Variants in KCNIP4 observed in about 807,000 individuals in gnomAD.
KCNIP4 encodes the protein potassium voltage-gated channel interacting protein 4, also known as Kv channel-interacting protein 4.
A neutral mutation model predicts 34.0 loss-of-function variants in KCNIP4; 12 were observed. The observed-to-expected ratio is 0.35, with a 90% confidence interval of 0.23 to 0.57. KCNIP4 has a LOEUF of 0.57. Among genes scored for constraint, KCNIP4 ranks in the 20% least tolerant of loss-of-function variants. KCNIP4 has a pLI of 0.83. For missense variants in KCNIP4, 238 were observed against 311.7 expected, an observed-to-expected ratio of 0.76 and a Z score of 1.78; for synonymous variants, 124 against 102.2, an observed-to-expected ratio of 1.21 and a Z score of -1.29.
At chr4:21,738,092 AAAATAAAT>A (rs11444057) in intron 1 of KCNIP4, among the ~76,000 whole-genome samples, 46,962 of 141,996 alleles carry the variant, frequency 0.33, 8,806 homozygotes, top group Non-Finnish European at 0.44. Flanking sequence ...ACTCCATCTC[AAAATAAAT>A]AAATAAATAA....
chr4:21,944,204 T>C (rs1730361757), intron 1 of KCNIP4, among the ~76,000 whole-genome samples: 1 of 151,700 alleles, frequency 6.6e-6, no homozygotes, highest in African/African-American at 2.4e-5. Context: ...AAGACAACCA[T>C]GTGAAAGGCT....
At chr4:21,070,117 CA>C (rs1744754235) in intron 1 of KCNIP4, among the ~76,000 whole-genome samples, 1 of 152,150 alleles carries the variant, frequency 6.6e-6, no homozygotes, top group South Asian at 2.1e-4. Flanking sequence ...TTGGAGTTTT[CA>C]CTCAATATAA....
At chr4:21,021,370 G>C (rs1740017321) in intron 1 of KCNIP4, among the ~76,000 whole-genome samples, 1 of 151,988 alleles carries the variant, frequency 6.6e-6, no homozygotes, top group African/African-American at 2.4e-5. Context: ...TGTACACAGA[G>C]GTTACCCTAA....
intron 1 of KCNIP4, among the ~76,000 whole-genome samples, chr4:21,751,445 T>A (rs1717144950): frequency 6.6e-6 from 1 of 152,148 alleles, no homozygotes; most frequent in African/African-American, 2.4e-5. Context: ...TATTCAAGAA[T>A]CTGCAGGAGA....
intron 1 of KCNIP4, among the ~76,000 whole-genome samples, chr4:21,256,752 A>G (rs1212798621): frequency 3.9e-5 from 6 of 152,206 alleles, no homozygotes; most frequent in African/African-American, 1.2e-4. Context: ...TTTAAAGATT[A>G]TCTGAAAGCT....
intron 1 of KCNIP4, among the ~76,000 whole-genome samples, chr4:21,005,893 C>T (rs1025289690): frequency 7.2e-5 from 11 of 152,102 alleles, no homozygotes; most frequent in African/African-American, 2.7e-4. Flanking sequence ...ATACTCTTTC[C>T]CCTGACATTT....
intron 1 of KCNIP4, among the ~76,000 whole-genome samples, chr4:21,587,241 G>A (rs1741697256): frequency 6.6e-6 from 1 of 152,034 alleles, no homozygotes; most frequent in African/African-American, 2.4e-5. Context: ...CTTTGTGGAT[G>A]CCACACAGCC....
At chr4:20,774,683 G>T (rs1756223193) in intron 3 of KCNIP4, among the ~76,000 whole-genome samples, 2 of 152,170 alleles carry the variant, frequency 1.3e-5, no homozygotes, top group South Asian at 4.1e-4. Flanking sequence ...CTTCCCTGAG[G>T]ATGTGACATT....
chr4:20,854,794 G>GT (rs1456025457), intron 2 of KCNIP4, among the ~76,000 whole-genome samples: 3 of 152,178 alleles, frequency 2.0e-5, no homozygotes, highest in Admixed American at 6.5e-5. Context: ...ATACTGGATG[G>GT]TTGGGGGCCT....
chr4:21,178,686 G>T (rs946413496), intron 1 of KCNIP4, among the ~76,000 whole-genome samples: 1 of 151,854 alleles, frequency 6.6e-6, no homozygotes, highest in African/African-American at 2.4e-5. Flanking sequence ...CTAAGTGTTT[G>T]CTTCCTCCTG....
chr4:21,723,974 G>A (rs1715009172), intron 1 of KCNIP4, among the ~76,000 whole-genome samples: 1 of 152,084 alleles, frequency 6.6e-6, no homozygotes, highest in Non-Finnish European at 1.5e-5. Context: ...TTATAGCAGA[G>A]GGGGAGGAGC....
chr4:21,353,800 C>G (rs1718270527), intron 1 of KCNIP4, among the ~76,000 whole-genome samples: 1 of 152,096 alleles, frequency 6.6e-6, no homozygotes, highest in Non-Finnish European at 1.5e-5. Context: ...ACAGAGAACA[C>G]CACAAAGATA....
At chr4:21,331,471 T>A (rs1715629971) in intron 1 of KCNIP4, among the ~76,000 whole-genome samples, 1 of 152,138 alleles carries the variant, frequency 6.6e-6, no homozygotes, top group South Asian at 2.1e-4. Flanking sequence ...TTTGACAACA[T>A]GAAATCTATG....
chr4:21,459,105 C>T (rs1421754275), intron 1 of KCNIP4, among the ~76,000 whole-genome samples: 1 of 152,002 alleles, frequency 6.6e-6, no homozygotes, highest in East Asian at 1.9e-4. Flanking sequence ...CTCATTTTCC[C>T]TCCAGCTACT....
At chr4:21,598,146 GT>G (rs1742804410) in intron 1 of KCNIP4, among the ~76,000 whole-genome samples, 1 of 152,034 alleles carries the variant, frequency 6.6e-6, no homozygotes, top group South Asian at 2.1e-4. Context: ...GTAATACTGT[GT>G]TTTATGCATA....
intron 1 of KCNIP4, among the ~76,000 whole-genome samples, chr4:21,065,253 C>T (rs1744247114): frequency 6.6e-6 from 1 of 152,132 alleles, no homozygotes; most frequent in African/African-American, 2.4e-5. Flanking sequence ...TGTCCCTACA[C>T]TACCAAAGTG....
At chr4:20,774,139 T>G (rs972047023) in intron 3 of KCNIP4, among the ~76,000 whole-genome samples, 1 of 152,176 alleles carries the variant, frequency 6.6e-6, no homozygotes, top group African/African-American at 2.4e-5. Flanking sequence ...GCGTCGTGCC[T>G]GGATGTATAA....
intron 1 of KCNIP4, among the ~76,000 whole-genome samples, chr4:21,783,993 A>G (rs999630451): frequency 6.6e-6 from 1 of 152,210 alleles, no homozygotes; most frequent in African/African-American, 2.4e-5. Context: ...TCACACTGCT[A>G]TAAAGATACT....
chr4:21,649,503 A>T (rs1053872227), intron 1 of KCNIP4, among the ~76,000 whole-genome samples: 1 of 152,198 alleles, frequency 6.6e-6, no homozygotes, highest in African/African-American at 2.4e-5. Flanking sequence ...GTAAAGGGAT[A>T]ATAGGAAGAA....
Sources: gnomAD v4.1 joint callset for allele counts (sites outside exome capture counted in the v4.1 genomes callset) on GRCh38, gnomAD v4.1.1 for gene constraint, MANE v1.5 for transcripts, NCBI Gene and HGNC (gene_info 2026-07-23, HGNC 2026-07-21) for gene names.